ROBO2: variants seen among roughly 807,000 people sequenced by gnomAD.
ROBO2 encodes roundabout guidance receptor 2.
ROBO2 carries 53 observed loss-of-function variants against 160.8 expected under a neutral mutation model. That is an observed-to-expected ratio of 0.33 (90% confidence interval 0.26 to 0.41). The LOEUF is 0.41. Among genes scored for constraint, ROBO2 ranks in the 10% least tolerant of loss-of-function variants. The probability of loss-of-function intolerance (pLI) is 1.00; values close to 1 mark genes in which losing one functional copy is unlikely to be tolerated. For synonymous variants in ROBO2, 664 were observed against 611.7 expected (o/e 1.09, Z -1.26); for missense variants, 1,577 against 1,722.4 (o/e 0.92, Z 1.49).
At chr3:76,587,603 G>A (rs147622017) in intron 2 of ROBO2, among the ~76,000 whole-genome samples, 116 of 152,256 alleles carry the variant, frequency 7.6e-4, no homozygotes, top group African/African-American at 2.7e-3. Context: ...CCACCCCCAT[G>A]ATTCAATTAT....
intron 2 of ROBO2, among the ~76,000 whole-genome samples, chr3:76,139,925 A>G (rs550107227): frequency 2.4e-4 from 37 of 152,056 alleles, no homozygotes; most frequent in Non-Finnish European, 4.4e-4. Flanking sequence ...TCATGAAACT[A>G]CCATCACTGA....
chr3:77,380,688 C>T (rs530102209), intron 2 of ROBO2, among the ~76,000 whole-genome samples: 1 of 148,870 alleles, frequency 6.7e-6, no homozygotes, highest in East Asian at 2.0e-4. Context: ...TCCTTCCCTC[C>T]CTCCCTCCTT....
intron 2 of ROBO2, among the ~76,000 whole-genome samples, chr3:76,814,777 A>C (rs920879418): frequency 6.6e-6 from 1 of 152,092 alleles, no homozygotes; most frequent in African/African-American, 2.4e-5. Context: ...TTTATTTTAC[A>C]TTATGCCAAA....
At chr3:77,189,455 T>A (rs577322858) in intron 2 of ROBO2, among the ~76,000 whole-genome samples, 2 of 151,992 alleles carry the variant, frequency 1.3e-5, no homozygotes, top group Non-Finnish European at 2.9e-5. Context: ...CCCTCTGTTA[T>A]CAGGGGTATG....
At chr3:76,422,117 G>A (rs923393660) in intron 2 of ROBO2, among the ~76,000 whole-genome samples, 1 of 152,120 alleles carries the variant, frequency 6.6e-6, no homozygotes, top group African/African-American at 2.4e-5. Flanking sequence ...GTGTGATGAA[G>A]GCATTTATGT....
chr3:75,922,467 T>C (rs1947101373), intron 1 of ROBO2, among the ~76,000 whole-genome samples: 1 of 152,078 alleles, frequency 6.6e-6, no homozygotes, highest in Non-Finnish European at 1.5e-5. Context: ...AAATATCTAA[T>C]CAGCAGCAAG....
chr3:75,915,338 G>A (rs1288267288), intron 1 of ROBO2, among the ~76,000 whole-genome samples: 2 of 152,166 alleles, frequency 1.3e-5, no homozygotes, highest in East Asian at 1.9e-4. Flanking sequence ...AGAGGGTTCA[G>A]AAATGCTATT....
intron 2 of ROBO2, among the ~76,000 whole-genome samples, chr3:77,178,167 G>A (rs2080338250): frequency 6.6e-6 from 1 of 151,886 alleles, no homozygotes; most frequent in African/African-American, 2.4e-5. Context: ...TTGAGGTATG[G>A]GCGCGCTACA....
At chr3:76,545,176 G>A (rs565371250) in intron 2 of ROBO2, among the ~76,000 whole-genome samples, 145 of 151,988 alleles carry the variant, frequency 9.5e-4, no homozygotes, top group African/African-American at 3.4e-3. Context: ...TGGATACTTC[G>A]ATTTTTCTCT....
At chr3:77,053,016 G>A (rs552446535) in intron 1 of ROBO2, among the ~76,000 whole-genome samples, 3 of 152,136 alleles carry the variant, frequency 2.0e-5, no homozygotes, top group Non-Finnish European at 2.9e-5. Flanking sequence ...GGCTGGTTCA[G>A]CATATGGGAT....
intron 1 of ROBO2, among the ~76,000 whole-genome samples, chr3:75,931,130 A>T (rs1947513676): frequency 6.6e-6 from 1 of 152,148 alleles, no homozygotes; most frequent in Non-Finnish European, 1.5e-5. Context: ...CTTCATCCAG[A>T]TTCCTACTTT....
At chr3:77,409,103 GTA>G (rs57350639) in intron 2 of ROBO2, among the ~76,000 whole-genome samples, 1,641 of 129,592 alleles carry the variant, frequency 0.013, 30 homozygotes, top group African/African-American at 0.04. Context: ...ATATATATAT[GTA>G]TATATATATA....
chr3:76,582,899 G>A (rs1049031754), intron 2 of ROBO2, among the ~76,000 whole-genome samples: 1 of 151,826 alleles, frequency 6.6e-6, no homozygotes, highest in Non-Finnish European at 1.5e-5. Flanking sequence ...GCTATTTTAT[G>A]ACAGCTCTAT....
chr3:76,005,450 A>G (rs1313171284), intron 2 of ROBO2, among the ~76,000 whole-genome samples: 2 of 152,196 alleles, frequency 1.3e-5, no homozygotes, highest in Non-Finnish European at 2.9e-5. Context: ...ATTGGACTCC[A>G]CTAATGGAGG....
chr3:76,080,992 TCAAC>T (rs758530838), intron 2 of ROBO2, among the ~76,000 whole-genome samples: 35 of 152,070 alleles, frequency 2.3e-4, no homozygotes, highest in Non-Finnish European at 4.3e-4. Flanking sequence ...AGAAAAAAAT[TCAAC>T]CAAGTGAAAT....
chr3:76,753,583 C>T (rs1019929573), intron 2 of ROBO2, among the ~76,000 whole-genome samples: 5 of 151,444 alleles, frequency 3.3e-5, no homozygotes, highest in Non-Finnish European at 7.4e-5. Flanking sequence ...ACAATTTCTT[C>T]AAAGGAAACA....
chr3:76,459,496 C>T (rs1239768041), intron 2 of ROBO2, among the ~76,000 whole-genome samples: 1 of 152,088 alleles, frequency 6.6e-6, no homozygotes, highest in Non-Finnish European at 1.5e-5. Flanking sequence ...TAGTTTCTTA[C>T]ATCTTTTTTC....
At chr3:77,112,142 A>C (rs1323923227) in intron 2 of ROBO2, among the ~76,000 whole-genome samples, 1 of 141,276 alleles carries the variant, frequency 7.1e-6, no homozygotes, top group East Asian at 2.4e-4. Flanking sequence ...CAGTGAGCCG[A>C]GATCGCGCCG....
intron 2 of ROBO2, among the ~76,000 whole-genome samples, chr3:76,646,049 G>A (rs2090954754): frequency 6.6e-6 from 1 of 152,140 alleles, no homozygotes; most frequent in Non-Finnish European, 1.5e-5. Flanking sequence ...TGGGCTAAGT[G>A]TTCGAGACGT....
Sources: gnomAD v4.1 joint callset for allele counts (sites outside exome capture counted in the v4.1 genomes callset) on GRCh38, gnomAD v4.1.1 for gene constraint, MANE v1.5 for transcripts, NCBI Gene and HGNC (gene_info 2026-07-23, HGNC 2026-07-21) for gene names.